ARHGAP24: variants seen among roughly 807,000 people sequenced by gnomAD.
ARHGAP24 encodes the protein Rho GTPase activating protein 24.
In ARHGAP24, 50 loss-of-function variants were observed where a neutral mutation model predicts 76.4. The observed-to-expected ratio is 0.65, with a 90% confidence interval of 0.52 to 0.83. The LOEUF is 0.83. Ranked by LOEUF, ARHGAP24 falls within the 40% of genes least tolerant of loss-of-function variation. ARHGAP24 has a pLI of 0.00. For synonymous variants in ARHGAP24, 345 were observed against 323.3 expected (o/e 1.07, Z -0.72); for missense variants, 930 against 914.2 (o/e 1.02, Z -0.22).
chr4:85,598,740 TG>T (rs1331042079), intron 2 of ARHGAP24, among the ~76,000 whole-genome samples: 2 of 150,388 alleles, frequency 1.3e-5, no homozygotes, highest in Non-Finnish European at 3.0e-5. Flanking sequence ...ATCACTGTTT[TG>T]TTTTGTTTTT....
intron 3 of ARHGAP24, among the ~76,000 whole-genome samples, chr4:85,749,160 A>G (rs1187051138): frequency 6.6e-6 from 1 of 152,192 alleles, no homozygotes; most frequent in Non-Finnish European, 1.5e-5. Context: ...AGACACACAA[A>G]TCTAATATGT....
intron 4 of ARHGAP24, among the ~76,000 whole-genome samples, chr4:85,925,444 G>C (rs931003183): frequency 4.6e-5 from 7 of 152,108 alleles, no homozygotes; most frequent in African/African-American, 1.7e-4. Context: ...ATGCCAAAGA[G>C]AAGTCATAAA....
intron 1 of ARHGAP24, among the ~76,000 whole-genome samples, chr4:85,557,525 C>G (rs1473657800): frequency 6.6e-6 from 1 of 152,290 alleles, no homozygotes; most frequent in South Asian, 2.1e-4. Context: ...AGTGTGGTGA[C>G]TCCCCTGGCT....
intron 3 of ARHGAP24, among the ~76,000 whole-genome samples, chr4:85,922,240 T>C (rs1328621079): frequency 6.6e-6 from 1 of 152,186 alleles, no homozygotes; most frequent in Non-Finnish European, 1.5e-5. Flanking sequence ...TATCACCTGT[T>C]CCAAAAATTT....
intron 3 of ARHGAP24, among the ~76,000 whole-genome samples, chr4:85,859,336 T>G (rs184086691): frequency 1.3e-5 from 2 of 152,238 alleles, no homozygotes; most frequent in African/African-American, 2.4e-5. Flanking sequence ...AAGACTTAGA[T>G]GTCCTTTAGG....
rs573308559 is a variant in ARHGAP24, at chr4:85,900,945, T to C, written c.269-22703T>C. 3.9e-5 allele frequency among the ~76,000 whole-genome samples: 6 copies of C among 152,340 alleles called. No individual in the cohort carries two copies. The South Asian group carries it at 1.2e-3, about 32-fold the overall frequency. Reference sequence around the variant, plus strand: ...TGATATAACGTCATGGCCACACAACTGATGCTGTCTTAGTCACCATATCCA... The same window carrying C: ...TGATATAACGTCATGGCCACACAACCGATGCTGTCTTAGTCACCATATCCA... On this transcript the variant is annotated intron_variant, in intron 3 of 9. Coordinates refer to ENST00000395184, the MANE Select transcript of ARHGAP24 (RefSeq NM_001025616.3).
intron 2 of ARHGAP24, among the ~76,000 whole-genome samples, chr4:85,571,523 C>A (rs550885537): frequency 9.2e-5 from 14 of 152,040 alleles, no homozygotes; most frequent in Non-Finnish European, 2.1e-4. Flanking sequence ...TATAAACAAC[C>A]CTAACAGTAT....
At chr4:85,930,997 A>G in intron 4 of ARHGAP24, 1 of 1,613,804 alleles carries the variant, frequency 6.2e-7, no homozygotes, top group Non-Finnish European at 8.5e-7. Context: ...TTTCATCCCT[A>G]AAACTACATA....
chr4:85,512,651 G>A (rs1181701267), intron 1 of ARHGAP24, among the ~76,000 whole-genome samples: 1 of 152,222 alleles, frequency 6.6e-6, no homozygotes, highest in Admixed American at 6.5e-5. Context: ...CATGGATAAT[G>A]AGTGGAAGTG....
At chr4:85,642,400 A>G (rs1057484148) in intron 2 of ARHGAP24, among the ~76,000 whole-genome samples, 5 of 152,086 alleles carry the variant, frequency 3.3e-5, no homozygotes, top group African/African-American at 9.7e-5. Context: ...GACTTGTTCA[A>G]CTTCTTTCAA....
chr4:85,828,622 A>G (rs954025486), intron 3 of ARHGAP24, among the ~76,000 whole-genome samples: 7 of 152,036 alleles, frequency 4.6e-5, no homozygotes, highest in African/African-American at 1.7e-4. Flanking sequence ...TTATCCGCAT[A>G]TTTGAATTTT....
intron 2 of ARHGAP24, among the ~76,000 whole-genome samples, chr4:85,665,488 T>G (rs1722577104): frequency 1.3e-5 from 2 of 152,242 alleles, no homozygotes; most frequent in African/African-American, 4.8e-5. Flanking sequence ...TCTGTGTCTT[T>G]TAATTGGAGC....
intron 1 of ARHGAP24, among the ~76,000 whole-genome samples, chr4:85,504,946 T>G (rs553642897): frequency 6.6e-6 from 1 of 152,158 alleles, no homozygotes; most frequent in Non-Finnish European, 1.5e-5. Flanking sequence ...ATTTGCTTGT[T>G]TGTAAAGGAT....
chr4:85,557,108 G>A (rs1247054737), intron 1 of ARHGAP24, among the ~76,000 whole-genome samples: 1 of 152,200 alleles, frequency 6.6e-6, no homozygotes, highest in Admixed American at 6.5e-5. Flanking sequence ...CTCTCCCTCT[G>A]GGAGCTCTGT....
chr4:85,794,178 T>C (rs980529653), intron 3 of ARHGAP24, among the ~76,000 whole-genome samples: 4 of 152,348 alleles, frequency 2.6e-5, no homozygotes, highest in Admixed American at 6.5e-5. Context: ...TCTATTACCA[T>C]TTCTGCTATT....
At chr4:85,825,250 A>C (rs374908046) in intron 3 of ARHGAP24, among the ~76,000 whole-genome samples, 6 of 152,358 alleles carry the variant, frequency 3.9e-5, no homozygotes, top group African/African-American at 1.4e-4. Context: ...ACTTCAGATA[A>C]GATTTAAAAC....
chr4:85,885,935 A>G (rs1243843819), intron 3 of ARHGAP24, among the ~76,000 whole-genome samples: 1 of 152,178 alleles, frequency 6.6e-6, no homozygotes, highest in Non-Finnish European at 1.5e-5. Context: ...TCCCGCACAG[A>G]GAAATTTGAA....
chr4:85,624,219 G>A (rs937404682), intron 2 of ARHGAP24, among the ~76,000 whole-genome samples: 3 of 152,032 alleles, frequency 2.0e-5, no homozygotes, highest in Non-Finnish European at 4.4e-5. Flanking sequence ...ATTGGCTGTG[G>A]GTTTGTCATA....
intron 2 of ARHGAP24, among the ~76,000 whole-genome samples, chr4:85,595,577 TAA>T (rs1290780384): frequency 6.6e-6 from 1 of 152,066 alleles, no homozygotes; most frequent in Non-Finnish European, 1.5e-5. Flanking sequence ...GAGGATTATG[TAA>T]AAGACTTTAG....
Sources: gnomAD v4.1 joint callset for allele counts (sites outside exome capture counted in the v4.1 genomes callset) on GRCh38, gnomAD v4.1.1 for gene constraint, MANE v1.5 for transcripts, NCBI Gene and HGNC (gene_info 2026-07-23, HGNC 2026-07-21) for gene names.